The following RBFOX1 variants were observed in gnomAD, a reference collection of about 807,000 sequenced individuals.
The protein encoded by RBFOX1 is RNA binding protein fox-1 homolog 1.
RBFOX1 carries 8 observed loss-of-function variants against 57.7 expected under a neutral mutation model. The observed-to-expected ratio is 0.14, with a 90% confidence interval of 0.08 to 0.25. The LOEUF (loss-of-function observed/expected upper bound fraction) is 0.25. Among genes scored for constraint, RBFOX1 ranks in the 10% least tolerant of loss-of-function variants. RBFOX1 has a pLI of 1.00. For missense variants in RBFOX1, 611 were observed against 548.5 expected (o/e 1.11, Z -1.14); for synonymous variants, 326 against 222.4 (o/e 1.47, Z -4.15).
chr16:6,851,346 T>C (rs2094051357), intron 3 of RBFOX1, among the ~76,000 whole-genome samples: 1 of 152,180 alleles, frequency 6.6e-6, no homozygotes, highest in Admixed American at 6.5e-5. Context: ...TTTTTTGTCC[T>C]GGCTGTGATA....
At chr16:7,372,981 G>T (rs915834480) in intron 4 of RBFOX1, among the ~76,000 whole-genome samples, 4 of 151,584 alleles carry the variant, frequency 2.6e-5, no homozygotes, top group Admixed American at 2.6e-4. Flanking sequence ...GCCCAGGCTG[G>T]AGTGCAGTGG....
chr16:5,882,444 C>G (rs993598069), intron 4 of RBFOX1, among the ~76,000 whole-genome samples: 1 of 152,188 alleles, frequency 6.6e-6, no homozygotes, highest in Non-Finnish European at 1.5e-5. Context: ...AACTCAGTCA[C>G]TTGGTCTCAT....
chr16:7,530,033 A>G (rs1301391758), intron 5 of RBFOX1, among the ~76,000 whole-genome samples: 2 of 148,300 alleles, frequency 1.3e-5, no homozygotes, highest in South Asian at 2.1e-4. Context: ...AAGTGAATTT[A>G]GGAACCTGAA....
At position 6,149,045 on chromosome 16, in the gene RBFOX1, C is replaced by A. The variant is rs181330930; in HGVS notation, c.-127+129053C>A. Reference sequence around the variant, plus strand: ...CCAAATGTAGATCATTGAAATGGAGCCTTGGAATTTTAAATCAAGTTTTAC... The same window carrying A: ...CCAAATGTAGATCATTGAAATGGAGACTTGGAATTTTAAATCAAGTTTTAC... On this transcript the variant is annotated intron_variant, in intron 1 of 15. Coordinates refer to ENST00000550418, the MANE Select transcript of RBFOX1 (RefSeq NM_018723.4). Among the ~76,000 whole-genome samples the A allele has an allele frequency of 9.7e-4, 147 of 152,224 alleles. 1 individual carries two copies. The highest frequency in any genetic ancestry group is 2.6e-3 in the Admixed American group (40 of 15,292).
chr16:5,666,335 A>G (rs753552167), intron 3 of RBFOX1, among the ~76,000 whole-genome samples: 6 of 152,212 alleles, frequency 3.9e-5, no homozygotes, highest in Admixed American at 3.3e-4. Context: ...AGCAATGTGA[A>G]GGTCTTACAA....
chr16:7,105,612 T>A (rs1003753434), intron 4 of RBFOX1, among the ~76,000 whole-genome samples: 1 of 152,098 alleles, frequency 6.6e-6, no homozygotes, highest in Non-Finnish European at 1.5e-5. Context: ...GTCTGCAATC[T>A]CATCCAGGTT....
At chr16:5,424,502 G>C (rs1788951986) in intron 1 of RBFOX1, among the ~76,000 whole-genome samples, 1 of 151,386 alleles carries the variant, frequency 6.6e-6, no homozygotes, top group African/African-American at 2.4e-5. Context: ...CACTTACGAG[G>C]ATTCTAAAGA....
At chr16:6,138,167 A>G (rs568748312) in intron 1 of RBFOX1, among the ~76,000 whole-genome samples, 8 of 152,340 alleles carry the variant, frequency 5.3e-5, no homozygotes, top group Non-Finnish European at 8.8e-5. Flanking sequence ...TTAACAGAAT[A>G]TGACTTAGGG....
chr16:7,401,277 A>C (rs2098238604), intron 4 of RBFOX1, among the ~76,000 whole-genome samples: 1 of 152,240 alleles, frequency 6.6e-6, no homozygotes, highest in South Asian at 2.1e-4. Flanking sequence ...ATATATAGAG[A>C]AAAAGGTGAA....
At chr16:6,483,422 T>A in intron 2 of RBFOX1, 1 of 1,535,370 alleles carries the variant, frequency 6.5e-7, no homozygotes, top group Non-Finnish European at 8.7e-7. Context: ...AGCACGTGGG[T>A]GCCGTTTGCT....
At chr16:7,202,188 A>G (rs1257866390) in intron 4 of RBFOX1, among the ~76,000 whole-genome samples, 2 of 152,166 alleles carry the variant, frequency 1.3e-5, no homozygotes, top group South Asian at 2.1e-4. Context: ...ACATAAACAA[A>G]TGGCCAATAA....
At position 5,644,438 on chromosome 16, in the gene RBFOX1, C is replaced by T. The variant is rs564010351; in HGVS notation, c.318+45477C>T. ...GAATTCTCTAAGTCTGTGTTAAAGG[C>T]GCTTGGGCTCCAGATGGGTTGAAGT... is the stretch of plus-strand genomic sequence containing the variant. On this transcript the variant is annotated intron_variant, in intron 3 of 19. Transcript: ENST00000641259. 1.5e-4 allele frequency among the ~76,000 whole-genome samples: 23 copies of T among 152,256 alleles called. No individual in the cohort carries two copies. In the East Asian group the frequency reaches 4.3e-3, roughly 28 times the overall value.
intron 4 of RBFOX1, among the ~76,000 whole-genome samples, chr16:7,410,967 A>G (rs111822060): frequency 0.033 from 5,084 of 151,994 alleles, 301 homozygotes; most frequent in African/African-American, 0.12. Context: ...ATTTTTCGAG[A>G]CAGAGTCTCA....
chr16:7,282,687 A>G (rs1261442503), intron 4 of RBFOX1, among the ~76,000 whole-genome samples: 1 of 152,156 alleles, frequency 6.6e-6, no homozygotes, highest in Non-Finnish European at 1.5e-5. Context: ...TCACCTGAGC[A>G]GTATACACTG....
At chr16:6,516,065 A>G (rs1467976058) in intron 2 of RBFOX1, among the ~76,000 whole-genome samples, 1 of 152,102 alleles carries the variant, frequency 6.6e-6, no homozygotes, top group Non-Finnish European at 1.5e-5. Flanking sequence ...GGTACACTCC[A>G]ATCCCGGAGC....
At chr16:6,843,347 A>G (rs937488238) in intron 3 of RBFOX1, among the ~76,000 whole-genome samples, 3 of 141,090 alleles carry the variant, frequency 2.1e-5, no homozygotes, top group Non-Finnish European at 4.6e-5. Context: ...TCCAGGGAGG[A>G]AAAAAAAAAA....
chr16:5,875,100 A>G (rs2057570729), intron 4 of RBFOX1, among the ~76,000 whole-genome samples: 1 of 152,338 alleles, frequency 6.6e-6, no homozygotes, highest in Middle Eastern at 3.4e-3. Context: ...TAGCGGGGAG[A>G]TGAGTAAGAA....
intron 2 of RBFOX1, among the ~76,000 whole-genome samples, chr16:5,534,741 A>G (rs2044629231): frequency 6.6e-6 from 1 of 152,158 alleles, no homozygotes; most frequent in South Asian, 2.1e-4. Flanking sequence ...CTTCACAGAC[A>G]CACCCAGAAA....
intron 3 of RBFOX1, among the ~76,000 whole-genome samples, chr16:6,780,508 T>A (rs909472504): frequency 0.021 from 2,367 of 114,388 alleles, 84 homozygotes; most frequent in African/African-American, 0.04. Context: ...TTTTATATAT[T>A]TATATATACA....
Sources: gnomAD v4.1 joint callset for allele counts (sites outside exome capture counted in the v4.1 genomes callset) on GRCh38, gnomAD v4.1.1 for gene constraint, MANE v1.5 for transcripts, NCBI Gene and HGNC (gene_info 2026-07-23, HGNC 2026-07-21) for gene names.